CNOT4: variants seen among roughly 807,000 people sequenced by gnomAD.
CNOT4 encodes the protein CCR4-NOT transcription complex subunit 4.
A neutral mutation model predicts 73.8 loss-of-function variants in CNOT4; 8 were observed. The ratio of observed to expected loss-of-function variants is 0.11; its 90% CI spans 0.06 to 0.20. CNOT4 has a LOEUF of 0.20. Ranked by LOEUF, CNOT4 falls within the 10% of genes least tolerant of loss-of-function variation. CNOT4 has a pLI of 1.00. For missense variants in CNOT4, 564 were observed against 883.4 expected (o/e 0.64, Z 4.58); for synonymous variants, 293 against 321.1 (o/e 0.91, Z 0.94).
At chr7:135,482,863 G>A (rs1451480239) in intron 1 of CNOT4, among the ~76,000 whole-genome samples, 5 of 151,704 alleles carry the variant, frequency 3.3e-5, no homozygotes, top group South Asian at 2.1e-4. Context: ...GTGGGTGCCT[G>A]TAATCCCAGC....
intron 2 of CNOT4, among the ~76,000 whole-genome samples, chr7:135,431,828 T>C (rs1384867777): frequency 1.3e-5 from 2 of 151,524 alleles, no homozygotes; most frequent in African/African-American, 4.8e-5. Flanking sequence ...CTATTATGTA[T>C]ACTGAAAACT....
chr7:135,495,494 G>C (rs1226686052), intron 1 of CNOT4, among the ~76,000 whole-genome samples: 1 of 120,416 alleles, frequency 8.3e-6, no homozygotes, highest in Non-Finnish European at 1.6e-5. Flanking sequence ...GACAGAGCGA[G>C]ACTCTGCCTC....
Position 135,422,227 on chromosome 7 carries a change from C to A in CNOT4, c.301G>T (p.Ala101Ser), listed in dbSNP as rs1006732234. The change falls in exon 3 of 12, where the codon GCT (alanine) becomes TCT (serine). Residue 101 changes from alanine to serine, a missense_variant. By Grantham distance (99) the Ala-to-Ser change is moderately conservative. Coordinates refer to ENST00000541284, the MANE Select transcript of CNOT4 (RefSeq NM_001190850.2). The stretch of plus-strand genomic sequence containing the variant: ...TTTTTTTGTACGACACGTACACTAG[C>A]CAAATGTTTGCGATTTTCTGATATT... ...QKISENRKHL[A>S]SVRVVQKNLV... The A allele has an allele frequency of 9.3e-6, 15 of 1,610,272 alleles. No individual in the cohort carries two copies. Among genetic ancestry groups the A allele is most frequent in the Admixed American group, 1.7e-5 (1 of 59,982 alleles).
Position 135,394,000 on chromosome 7 carries a change from T to G in CNOT4, c.1545A>C (p.Ala515=). 1.9e-6 allele frequency: 3 copies of G among 1,614,106 alleles called. No homozygotes were observed. Among genetic ancestry groups the G allele is most frequent in the Non-Finnish European group, 2.5e-6 (3 of 1,179,964 alleles). Residue 515 remains alanine, a synonymous_variant, in exon 10 of 12, where the codon GCA becomes GCC. Coordinates refer to ENST00000541284, the MANE Select transcript of CNOT4 (RefSeq NM_001190850.2). ...AGAAATTACTATTTGAGGTGGGGTT[T>G]GCTGTGTGGTTCAAGTGCATGATGC... ...RNSIMHLNHT[A]NPTSNSNFLD... is the part of the protein sequence containing the mutation.
chr7:135,400,774 T>C (rs1796964742), intron 7 of CNOT4, among the ~76,000 whole-genome samples: 2 of 152,182 alleles, frequency 1.3e-5, no homozygotes, highest in South Asian at 2.1e-4. Context: ...ATCTATCCGA[T>C]AATAGCTGCT....
At chr7:135,436,848 G>A (rs1262781758) in intron 2 of CNOT4, among the ~76,000 whole-genome samples, 1 of 151,838 alleles carries the variant, frequency 6.6e-6, no homozygotes, top group African/African-American at 2.4e-5. Context: ...AAAACTAAGA[G>A]ACAGATTATT....
In CNOT4 at chr7:135,485,554, G is replaced by A. The variant is rs188027287; in HGVS notation, c.-93+24335C>T. On this transcript the variant is annotated intron_variant, in intron 1 of 11. Coordinates refer to ENST00000541284, the MANE Select transcript of CNOT4 (RefSeq NM_001190850.2). ...GTACTGATGAAGAAAGAGACATATAGACTAATAGAACAGAACAGAAAACCC... is the reference window on the plus strand; with the variant it reads ...GTACTGATGAAGAAAGAGACATATAAACTAATAGAACAGAACAGAAAACCC... Among the ~76,000 whole-genome samples, 88 of 152,270 alleles carry A rather than the reference G, an allele frequency of 5.8e-4. 1 individual carries two copies. The highest frequency in any genetic ancestry group is 1.9e-3 in the African/African-American group (78 of 41,532).
At chr7:135,470,571 T>TAACAAAAA (rs1801517609) in intron 1 of CNOT4, among the ~76,000 whole-genome samples, 1 of 145,692 alleles carries the variant, frequency 6.9e-6, no homozygotes, top group Non-Finnish European at 1.5e-5. Context: ...GACTCTGTCT[T>TAACAAAAA]AAAAAAAAAA....
At position 135,363,649 on chromosome 7, in the gene CNOT4, A is replaced by G. The variant is rs1794759791; in HGVS notation, c.1840+205T>C. ...CTACTTAAACCAGAAGAAGCAACCT[A>G]GGCACCAAATGCCTTCTTATTAATA... On this transcript the variant is annotated intron_variant, in intron 11 of 11. Coordinates refer to ENST00000541284, the MANE Select transcript of CNOT4 (RefSeq NM_001190850.2). The surrounding 1 kb of genome is among the most constrained non-coding windows in gnomAD (Gnocchi z 4.3). Among the ~76,000 whole-genome samples the G allele has an allele frequency of 6.6e-6, 1 of 152,244 alleles. No homozygotes were observed. The highest frequency in any genetic ancestry group is 6.5e-5 in the Admixed American group (1 of 15,286).
At chr7:135,416,892 G>A (rs1797903752) in intron 3 of CNOT4, among the ~76,000 whole-genome samples, 1 of 152,122 alleles carries the variant, frequency 6.6e-6, no homozygotes, top group African/African-American at 2.4e-5. Flanking sequence ...ACAAAGAATT[G>A]TCCCGCACAA....
Position 135,364,141 on chromosome 7 carries a change from T to C in CNOT4, c.1628-75A>G, listed in dbSNP as rs1276617614. ...TACGTTAGAAACATATGTTGTTCTT[T>C]AGTGGTTAAGCGGGAGAAGAATTAT... On this transcript the variant is annotated intron_variant, in intron 10 of 11. Transcript: ENST00000541284. The surrounding 1 kb of genome is among the most constrained non-coding windows in gnomAD (Gnocchi z 4.3). 37 of 1,084,932 alleles carry C rather than the reference T, an allele frequency of 3.4e-5. No individual in the cohort carries two copies. The highest frequency in any genetic ancestry group is 3.1e-4 in the South Asian group (21 of 68,134). 67.2% of individuals were successfully genotyped at this position (1,084,932 alleles called of 1,614,324 possible). A position where few individuals can be genotyped will look rare whatever the true frequency, so the allele number is the denominator to read the frequency against.
chr7:135,410,489 G>C, intron 7 of CNOT4, 26 bp downstream of exon 7: 1 of 1,399,660 alleles, frequency 7.1e-7, no homozygotes, highest in Non-Finnish European at 9.6e-7. Flanking sequence ...AAGGTAAGAT[G>C]TCTGACTATC....
chr7:135,503,616 T>C (rs947203500), intron 1 of CNOT4, among the ~76,000 whole-genome samples: 2 of 152,196 alleles, frequency 1.3e-5, no homozygotes, highest in Non-Finnish European at 2.9e-5. Context: ...ACTAATAACG[T>C]CTTTATATCA....
At chr7:135,460,678 A>T (rs1407356377) in intron 1 of CNOT4, among the ~76,000 whole-genome samples, 2 of 152,224 alleles carry the variant, frequency 1.3e-5, no homozygotes, top group Non-Finnish European at 2.9e-5. Context: ...GAATTACCCA[A>T]ATGTGACACC....
intron 1 of CNOT4, among the ~76,000 whole-genome samples, chr7:135,493,077 G>A (rs1216538089): frequency 6.6e-6 from 1 of 152,172 alleles, no homozygotes; most frequent in Non-Finnish European, 1.5e-5. Context: ...CAAGAGAATG[G>A]TGGACAACTG....
In CNOT4 at chr7:135,462,064, T is replaced by TA. The variant is rs201086263; in HGVS notation, c.-92-23642dup. 2.5e-3 allele frequency among the ~76,000 whole-genome samples: 362 copies of TA among 144,500 alleles called. 11 individuals are homozygous for TA. The East Asian group carries it at 0.055, about 22-fold the overall frequency. 94.8% of individuals were successfully genotyped at this position (144,500 alleles called of 152,430 possible). On this transcript the variant is annotated intron_variant, in intron 1 of 11. Transcript: ENST00000541284. The stretch of plus-strand genomic sequence containing the variant: ...TCACTTTATATTTCCTATTCCCTTA[T>TA]AAAAAAAAATCACTTGAAGCAAACA...
intron 7 of CNOT4, among the ~76,000 whole-genome samples, chr7:135,403,607 T>TA (rs1313139348): frequency 1.3e-5 from 2 of 151,746 alleles, no homozygotes; most frequent in Non-Finnish European, 2.9e-5. Flanking sequence ...AATTAAAAAA[T>TA]AAAAAAATAA....
At chr7:135,438,498 C>G in intron 1 of CNOT4, 75 bp from the exon 2 acceptor site, 2 of 449,916 alleles carry the variant, frequency 4.4e-6, no homozygotes, top group Non-Finnish European at 7.4e-6. Context: ...GTCACACTGT[C>G]AAAAAATTTG....
At chr7:135,485,275 T>A (rs1315763928) in intron 1 of CNOT4, among the ~76,000 whole-genome samples, 1 of 152,200 alleles carries the variant, frequency 6.6e-6, no homozygotes, top group African/African-American at 2.4e-5. Flanking sequence ...TTTCACCATG[T>A]TGGCCAGGAT....
Sources: gnomAD v4.1 joint callset for allele counts (sites outside exome capture counted in the v4.1 genomes callset) on GRCh38, gnomAD v4.1.1 for gene constraint, Gnocchi (gnomAD v3.1) non-coding constraint, MANE v1.5 for transcripts, NCBI Gene and HGNC (gene_info 2026-07-23, HGNC 2026-07-21) for gene names.